RBAK: variants seen among roughly 807,000 people sequenced by gnomAD.
RBAK encodes RB associated KRAB zinc finger.
RBAK carries 39 observed loss-of-function variants against 65.8 expected under a neutral mutation model. The ratio of observed to expected loss-of-function variants is 0.59; its 90% CI spans 0.46 to 0.77. The LOEUF (loss-of-function observed/expected upper bound fraction) is 0.77, where lower values mean the gene tolerates loss of function less well. Among genes scored for constraint, RBAK ranks in the 30% least tolerant of loss-of-function variants. The pLI, the probability that RBAK is intolerant of heterozygous loss-of-function variation, is 0.00. For missense variants in RBAK, 884 were observed against 855.1 expected, an observed-to-expected ratio of 1.03 and a Z score of -0.42; for synonymous variants, 343 against 289.7, an observed-to-expected ratio of 1.18 and a Z score of -1.87.
chr7:5,063,609 C>T (rs1293240004), intron 4 of RBAK, 86 bp from the exon 5 acceptor site: 11 of 1,092,518 alleles, frequency 1.0e-5, no homozygotes, highest in Non-Finnish European at 1.4e-5. Flanking sequence ...GAGTCAACCC[C>T]ACAATGGGGG....
chr7:5,068,373 C>T lies in RBAK; in HGVS notation c.*2772C>T, dbSNP rs1779271943. 1 of 152,020 alleles carries T rather than the reference C, an allele frequency of 6.6e-6. No individual in the cohort carries two copies. Among genetic ancestry groups the T allele is most frequent in the Admixed American group, 6.6e-5 (1 of 15,240 alleles). 9.4% of individuals were successfully genotyped at this position (152,020 alleles called of 1,614,324 possible). The stretch of plus-strand genomic sequence containing the variant: ...CTGATCTCGAATATGTAAAGAGCAC[C>T]TACAAATCAACAAGGGGGAAACTGG... On this transcript the variant is annotated 3_prime_UTR_variant, in exon 5 of 5. Transcript: ENST00000396912.
rs1193192410 is a variant in RBAK at position 5,048,963 on chromosome 7, A to G, written c.15+872A>G. 1.3e-5 allele frequency among the ~76,000 whole-genome samples: 2 copies of G among 152,026 alleles called. No individual in the cohort carries two copies. The highest frequency in any genetic ancestry group is 3.8e-4 in the East Asian group (2 of 5,196). On this transcript the variant is annotated intron_variant, in intron 2 of 4. Coordinates refer to ENST00000396912, the MANE Select transcript of RBAK (RefSeq NM_021163.4). This position sits in a 1 kb window ranked among gnomAD's most constrained non-coding sequence, Gnocchi z 4.4. ...GGGAAATTGCCCCCATGATCCAATC[A>G]CCTCCCACCAGGCCCCACCTCCAAC...
rs148265362 is a variant in RBAK at position 5,067,086 on chromosome 7, A to G, written c.*1485A>G. ...AAAGAGACTTAAACTACAACAAACA[A>G]TATGCTTAATGATGAAATAGTGAAC... On this transcript the variant is annotated 3_prime_UTR_variant, in exon 5 of 5. Coordinates refer to ENST00000396912, the MANE Select transcript of RBAK (RefSeq NM_021163.4). The G allele has an allele frequency of 3.9e-5, 6 of 152,334 alleles. No individual in the cohort carries two copies. In the East Asian group the frequency reaches 1.2e-3, roughly 29 times the overall value. 9.4% of individuals were successfully genotyped at this position (152,334 alleles called of 1,614,324 possible). A position where few individuals can be genotyped will look rare whatever the true frequency, so the allele number is the denominator to read the frequency against.
intron 2 of RBAK, 172 bp from the exon 3 acceptor site, chr7:5,057,123 A>G: frequency 5.8e-6 from 2 of 344,308 alleles, no homozygotes; most frequent in Non-Finnish European, 9.7e-6. Context: ...TTTATATATT[A>G]TGTATTATAA....
At chr7:5,060,692 G>A (rs1287413555) in intron 4 of RBAK, among the ~76,000 whole-genome samples, 1 of 152,250 alleles carries the variant, frequency 6.6e-6, no homozygotes, top group Non-Finnish European at 1.5e-5. Context: ...GCAAGGCATA[G>A]CCTAGGCTTC....
At chr7:5,057,887 C>G (rs906090344) in intron 4 of RBAK, 108 bp downstream of exon 4, 158 of 1,105,784 alleles carry the variant, frequency 1.4e-4, no homozygotes, top group Admixed American at 3.2e-4. Flanking sequence ...CCTCCCAACC[C>G]CCAAATATCA....
At position 5,065,503 on chromosome 7, in the gene RBAK, G is replaced by A. The variant is rs1265728187; in HGVS notation, c.2047G>A (p.Glu683Lys). The change falls in exon 5 of 5, where the codon GAG becomes AAG. Residue 683 changes from glutamate to lysine, a missense_variant. Glu to Lys is a moderately conservative substitution (Grantham distance 56, BLOSUM62 1). Transcript: ENST00000396912. The surrounding 1 kb of genome is among the most constrained non-coding windows in gnomAD (Gnocchi z 5.3). ...HSGEKPYECNECGKKFHHRSA... is the reference protein window; with the variant it reads ...HSGEKPYECNKCGKKFHHRSA... ...AGGAGAGAAACCCTATGAATGTAAC[G>A]AGTGTGGGAAAAAATTCCACCACAG... The A allele has an allele frequency of 5.6e-6, 9 of 1,607,118 alleles. No individual in the cohort carries two copies. The highest frequency in any genetic ancestry group is 2.2e-5 in the South Asian group (2 of 89,508).
intron 2 of RBAK, among the ~76,000 whole-genome samples, chr7:5,056,502 T>C (rs1174635858): frequency 6.6e-6 from 1 of 152,132 alleles, no homozygotes; most frequent in Non-Finnish European, 1.5e-5. Flanking sequence ...CTTCATCCCA[T>C]AGAATGCACA....
chr7:5,053,658 C>CT (rs1788163309), intron 2 of RBAK, among the ~76,000 whole-genome samples: 1 of 152,138 alleles, frequency 6.6e-6, no homozygotes, highest in African/African-American at 2.4e-5. Context: ...GCTTTTAATT[C>CT]TTTTTTCTCT....
At chr7:5,056,441 G>A (rs1403422802) in intron 2 of RBAK, among the ~76,000 whole-genome samples, 1 of 151,826 alleles carries the variant, frequency 6.6e-6, no homozygotes, top group Non-Finnish European at 1.5e-5. Context: ...AATTGAAGCT[G>A]CTTCCCGTTT....
chr7:5,057,274 C>G (rs993874052), intron 2 of RBAK, 21 bp from the exon 3 acceptor site: 1 of 1,613,952 alleles, frequency 6.2e-7, no homozygotes, highest in African/African-American at 1.3e-5. Context: ...TCTCCCAATT[C>G]TGATCATGTT....
Position 5,064,461 on chromosome 7 carries a change from C to T in RBAK, c.1005C>T (p.His335=), listed in dbSNP as rs1779164378. 6.2e-7 allele frequency: 1 copy of T among 1,613,836 alleles called. No individual in the cohort carries two copies. The highest frequency in any genetic ancestry group is 1.1e-5 in the South Asian group (1 of 91,076). ...GTCAGAAGTTACACCTCACTCAACA[C>T]CTAAGAACTCATTCAGGAGAGAAAC... ...TFCQKLHLTQ[H]LRTHSGEKPY... is the part of the protein sequence containing the mutation. The change falls in exon 5 of 5, where the codon CAC becomes CAT. Residue 335 remains histidine (H), a synonymous_variant. Transcript: ENST00000396912. This position sits in a 1 kb window ranked among gnomAD's most constrained non-coding sequence, Gnocchi z 6.3.
At chr7:5,047,601 C>CTTTTT (rs1037439035) in intron 1 of RBAK, among the ~76,000 whole-genome samples, 5 of 100,908 alleles carry the variant, frequency 5.0e-5, no homozygotes, top group Non-Finnish European at 8.0e-5. Flanking sequence ...TTTTCACTCT[C>CTTTTT]TTTTTTTTTT....
rs371466356 is a variant in RBAK, at chr7:5,053,845, A to G, written c.16-3450A>G. ...GTCTCAATTTTTTTGAACATGTGGAATAGAATGATGAACTCTCTCAGTGCT... is the reference window on the plus strand; with the variant it reads ...GTCTCAATTTTTTTGAACATGTGGAGTAGAATGATGAACTCTCTCAGTGCT... On this transcript the variant is annotated intron_variant, in intron 2 of 4. Transcript: ENST00000396912. Among the ~76,000 whole-genome samples the G allele has an allele frequency of 1.4e-4, 21 of 152,322 alleles. 1 individual carries two copies. The highest frequency in any genetic ancestry group is 4.8e-4 in the African/African-American group (20 of 41,550).
At position 5,067,781 on chromosome 7, in the gene RBAK, A is replaced by G. The variant is rs1419542417; in HGVS notation, c.*2180A>G. 1 of 152,214 alleles carries G rather than the reference A, an allele frequency of 6.6e-6. No individual in the cohort carries two copies. The allele number at this position is 152,214 out of a possible 1,614,324, so 9.4% of individuals were successfully genotyped here. A position where few individuals can be genotyped will look rare whatever the true frequency, so the allele number is the denominator to read the frequency against. On this transcript the variant is annotated 3_prime_UTR_variant, in exon 5 of 5. Coordinates refer to ENST00000396912, the MANE Select transcript of RBAK (RefSeq NM_021163.4). The stretch of plus-strand genomic sequence containing the variant: ...CAGATTCAAAAGTAGACCCACGTGT[A>G]TACCATCACCTGAGTTTTGAGAAAG...
In RBAK at chr7:5,048,027, C is replaced by G. The variant is rs202184654; in HGVS notation, c.-44-6C>G. ...TGACTTCAGTGACCTGCTTCTCCCC[C>G]TCTAGGTCTACCAGCCACAGTCTCT... On this transcript the variant is annotated splice_region_variant and splice_polypyrimidine_tract_variant and intron_variant, in intron 1 of 4. Transcript: ENST00000396912. This position sits in a 1 kb window ranked among gnomAD's most constrained non-coding sequence, Gnocchi z 4.4. 31,643 of 1,508,296 alleles carry G rather than the reference C, an allele frequency of 0.021. 396 individuals are homozygous for G. Among genetic ancestry groups the G allele is most frequent in the Non-Finnish European group, 0.025 (27,204 of 1,105,874 alleles). 93.4% of individuals were successfully genotyped at this position (1,508,296 alleles called of 1,614,324 possible). A position where few individuals can be genotyped will look rare whatever the true frequency, so the allele number is the denominator to read the frequency against.
chr7:5,051,120 T>C (rs113880586), intron 2 of RBAK, among the ~76,000 whole-genome samples: 1 of 152,256 alleles, frequency 6.6e-6, no homozygotes, highest in East Asian at 1.9e-4. Context: ...TGAGTCCTTT[T>C]GAAATATATT....
intron 4 of RBAK, among the ~76,000 whole-genome samples, chr7:5,063,054 TTAAAG>T (rs756142318): frequency 2.6e-4 from 39 of 152,124 alleles, no homozygotes; most frequent in Admixed American, 3.9e-4. Flanking sequence ...GATTAAGAGA[TTAAAG>T]TAAAGACAGG....
At chr7:5,051,505 CT>C (rs1158305561) in intron 2 of RBAK, among the ~76,000 whole-genome samples, 1 of 152,088 alleles carries the variant, frequency 6.6e-6, no homozygotes, top group Admixed American at 6.6e-5. Flanking sequence ...TGATTTAATA[CT>C]TTTATCTAAA....
Sources: gnomAD v4.1 joint callset for allele counts (sites outside exome capture counted in the v4.1 genomes callset) on GRCh38, gnomAD v4.1.1 for gene constraint, Gnocchi (gnomAD v3.1) non-coding constraint, MANE v1.5 for transcripts, NCBI Gene and HGNC (gene_info 2026-07-23, HGNC 2026-07-21) for gene names.